Variants in ARHGAP15 observed in about 807,000 individuals in gnomAD.
ARHGAP15 encodes the protein Rho GTPase activating protein 15.
ARHGAP15 carries 51 observed loss-of-function variants against 63.7 expected under a neutral mutation model. That is an observed-to-expected ratio of 0.80 (90% CI 0.64 to 1.01). The LOEUF (loss-of-function observed/expected upper bound fraction) is 1.01, where lower values mean the gene tolerates loss of function less well. Among genes scored for constraint, ARHGAP15 ranks in the 50% least tolerant of loss-of-function variants. The pLI is 0.00. For synonymous variants in ARHGAP15, 191 were observed against 193.8 expected (o/e 0.99, Z 0.12); for missense variants, 560 against 564.6 (o/e 0.99, Z 0.08).
At chr2:143,309,672 G>T (rs1043671398) in intron 6 of ARHGAP15, among the ~76,000 whole-genome samples, 7 of 151,950 alleles carry the variant, frequency 4.6e-5, no homozygotes, top group African/African-American at 9.7e-5. Context: ...ATGTATCAGG[G>T]TTTCTCAACC....
At chr2:143,268,342 G>A (rs1023739638) in intron 6 of ARHGAP15, among the ~76,000 whole-genome samples, 2 of 152,080 alleles carry the variant, frequency 1.3e-5, no homozygotes, top group Middle Eastern at 3.4e-3. Flanking sequence ...TATGTGGCTG[G>A]CACTTGAAAA....
intron 10 of ARHGAP15, among the ~76,000 whole-genome samples, chr2:143,534,273 A>G (rs1386875930): frequency 2.0e-5 from 3 of 151,968 alleles, no homozygotes; most frequent in Non-Finnish European, 1.5e-5. Flanking sequence ...TTCGCCTTCC[A>G]CCCTTACTGT....
chr2:143,751,431 A>G (rs75598374), intron 13 of ARHGAP15, among the ~76,000 whole-genome samples: 14,379 of 152,164 alleles, frequency 0.094, 726 homozygotes, highest in African/African-American at 0.14. Flanking sequence ...TAGCACATCA[A>G]GGGTCCAGCA....
At chr2:143,313,579 G>A (rs1401904802) in intron 6 of ARHGAP15, among the ~76,000 whole-genome samples, 3 of 152,080 alleles carry the variant, frequency 2.0e-5, no homozygotes, top group African/African-American at 7.2e-5. Flanking sequence ...GTGTGTGTAT[G>A]GGAGGGTAGG....
intron 6 of ARHGAP15, among the ~76,000 whole-genome samples, chr2:143,284,490 A>G (rs1259958486): frequency 6.6e-6 from 1 of 152,204 alleles, no homozygotes; most frequent in African/African-American, 2.4e-5. Flanking sequence ...CTACGAAATC[A>G]GCTGAGCTAA....
intron 8 of ARHGAP15, among the ~76,000 whole-genome samples, chr2:143,441,211 C>T (rs536242125): frequency 9.9e-5 from 15 of 152,114 alleles, no homozygotes; most frequent in African/African-American, 3.6e-4. Context: ...CATCCTACTC[C>T]CTGAGTGTAT....
At chr2:143,745,918 C>T (rs1193759689) in intron 13 of ARHGAP15, among the ~76,000 whole-genome samples, 1 of 152,174 alleles carries the variant, frequency 6.6e-6, no homozygotes, top group Non-Finnish European at 1.5e-5. Flanking sequence ...AGAGAAAAAT[C>T]AGGCTTTCTG....
chr2:143,429,577 A>G (rs1174158944), intron 6 of ARHGAP15, among the ~76,000 whole-genome samples: 1 of 152,120 alleles, frequency 6.6e-6, no homozygotes, highest in Non-Finnish European at 1.5e-5. Flanking sequence ...GAGGGTTCCA[A>G]TAAATGTACA....
chr2:143,170,744 A>G (rs1040811007), intron 2 of ARHGAP15, among the ~76,000 whole-genome samples: 1 of 152,080 alleles, frequency 6.6e-6, no homozygotes, highest in African/African-American at 2.4e-5. Flanking sequence ...TATAATAATT[A>G]TTCCTTTGAT....
At chr2:143,218,277 C>CTTTTTTTTTTTT (rs762494225) in intron 4 of ARHGAP15, among the ~76,000 whole-genome samples, 133 of 92,026 alleles carry the variant, frequency 1.4e-3, no homozygotes, top group African/African-American at 2.2e-3. Context: ...TTTAGTTTTC[C>CTTTTTTTTTTTT]TTTTTTTTTT....
chr2:143,448,601 G>A (rs1314928122), intron 8 of ARHGAP15, among the ~76,000 whole-genome samples: 1 of 151,994 alleles, frequency 6.6e-6, no homozygotes, highest in Non-Finnish European at 1.5e-5. Flanking sequence ...GACATATATT[G>A]TAAGTCTTGG....
At chr2:143,490,052 T>C (rs919903944) in intron 9 of ARHGAP15, among the ~76,000 whole-genome samples, 1 of 152,198 alleles carries the variant, frequency 6.6e-6, no homozygotes, top group Non-Finnish European at 1.5e-5. Flanking sequence ...CAGGCTGGAG[T>C]GCAGTGGCGC....
At chr2:143,593,172 T>C (rs1439508248) in intron 11 of ARHGAP15, 1 of 152,208 alleles carries the variant, frequency 6.6e-6, no homozygotes, top group Admixed American at 6.5e-5. Context: ...CTCATTGGCG[T>C]CTTCCCTAAA....
intron 5 of ARHGAP15, among the ~76,000 whole-genome samples, chr2:143,232,174 G>C (rs1290458538): frequency 1.3e-5 from 2 of 152,160 alleles, no homozygotes; most frequent in Admixed American, 6.5e-5. Context: ...GACCTATTCT[G>C]TTCTTGTTTT....
At chr2:143,513,322 A>AAAT (rs1693668858) in intron 9 of ARHGAP15, among the ~76,000 whole-genome samples, 1 of 152,180 alleles carries the variant, frequency 6.6e-6, no homozygotes, top group Non-Finnish European at 1.5e-5. Context: ...TAACCGCTAA[A>AAAT]AATAATCAGC....
intron 6 of ARHGAP15, among the ~76,000 whole-genome samples, chr2:143,401,942 T>A (rs1187095071): frequency 6.6e-6 from 1 of 151,984 alleles, no homozygotes; most frequent in Non-Finnish European, 1.5e-5. Flanking sequence ...ATTGGCTTTT[T>A]AAAATGATAA....
At chr2:143,375,670 T>C (rs1304331341) in intron 6 of ARHGAP15, among the ~76,000 whole-genome samples, 1 of 152,130 alleles carries the variant, frequency 6.6e-6, no homozygotes, top group African/African-American at 2.4e-5. Flanking sequence ...GAAGATCCTG[T>C]TGCTTTACAA....
Position 143,155,506 on chromosome 2 carries a change from A to G in ARHGAP15, c.16A>G (p.Asn6Asp), listed in dbSNP as rs775570025. Reference sequence around the variant, plus strand: ...GCACTATAATATGCAGAAATCTACAAATTCTGATACTTCCGTGGAAACACT... The same window carrying G: ...GCACTATAATATGCAGAAATCTACAGATTCTGATACTTCCGTGGAAACACT... MQKST[N>D]SDTSVETLNS... The change falls in exon 2 of 14, where the codon AAT (asparagine) becomes GAT (aspartate). Residue 6 changes from asparagine to aspartate, a missense_variant. By Grantham distance (23) the Asn-to-Asp change is conservative. Transcript: ENST00000295095. 6.2e-7 allele frequency: 1 copy of G among 1,607,452 alleles called. No individual in the cohort carries two copies. Among genetic ancestry groups the G allele is most frequent in the South Asian group, 1.1e-5 (1 of 90,220 alleles).
chr2:143,656,368 C>T (rs1421437320), intron 12 of ARHGAP15, among the ~76,000 whole-genome samples: 1 of 152,176 alleles, frequency 6.6e-6, no homozygotes, highest in Non-Finnish European at 1.5e-5. Context: ...ATAAAGTGCC[C>T]ATCACCATGG....
Sources: gnomAD v4.1 joint callset for allele counts (sites outside exome capture counted in the v4.1 genomes callset) on GRCh38, gnomAD v4.1.1 for gene constraint, MANE v1.5 for transcripts, NCBI Gene and HGNC (gene_info 2026-07-23, HGNC 2026-07-21) for gene names.